MOB3B: variants seen among roughly 807,000 people sequenced by gnomAD.
MOB3B encodes the protein MOB kinase activator-like 2B.
MOB3B carries 7 observed loss-of-function variants against 18.7 expected under a neutral mutation model. That is an observed-to-expected ratio of 0.37 (90% CI 0.21 to 0.70). The LOEUF is 0.70. Among genes scored for constraint, MOB3B ranks in the 30% least tolerant of loss-of-function variants. The pLI is 0.52. For synonymous variants in MOB3B, 111 were observed against 99.9 expected (o/e 1.11, Z -0.66); for missense variants, 253 against 281.3 (o/e 0.90, Z 0.72).
chr9:27,387,746 C>T (rs1436868779), intron 2 of MOB3B, among the ~76,000 whole-genome samples: 1 of 152,152 alleles, frequency 6.6e-6, no homozygotes, highest in African/African-American at 2.4e-5. Context: ...TCCTTGACCA[C>T]TGACCTGGAT....
At chr9:27,348,423 C>A (rs938701417) in intron 3 of MOB3B, among the ~76,000 whole-genome samples, 1 of 152,064 alleles carries the variant, frequency 6.6e-6, no homozygotes, top group East Asian at 1.9e-4. Context: ...GAGGCTGAGG[C>A]AGGAGGATCA....
chr9:27,388,457 CT>C (rs201279285), intron 2 of MOB3B, among the ~76,000 whole-genome samples: 9 of 151,440 alleles, frequency 5.9e-5, no homozygotes, highest in Admixed American at 1.3e-4. Flanking sequence ...CTCAGAGTAT[CT>C]TTTTTTTTCT....
rs917964168 is a variant in MOB3B, at chr9:27,435,079, C to G, written c.418+20054G>C. ...TCTCTCTCTCTCTCTCTCTCTCTCT[C>G]TCTCTTTCTCTCCCCACCAGGGAGA... On this transcript the variant is annotated intron_variant, in intron 2 of 3. Transcript: ENST00000262244. Among the ~76,000 whole-genome samples, 387 of 147,800 alleles carry G rather than the reference C, an allele frequency of 2.6e-3. 2 individuals are homozygous for G. The highest frequency in any genetic ancestry group is 3.8e-3 in the Non-Finnish European group (254 of 67,610).
chr9:27,504,981 C>G (rs1033970200), intron 1 of MOB3B, among the ~76,000 whole-genome samples: 5 of 152,176 alleles, frequency 3.3e-5, no homozygotes, highest in African/African-American at 1.2e-4. Flanking sequence ...TCCTCAGACT[C>G]TCGCTTGCCT....
intron 1 of MOB3B, among the ~76,000 whole-genome samples, chr9:27,495,546 C>T (rs1819885934): frequency 6.6e-6 from 1 of 152,060 alleles, no homozygotes; most frequent in Non-Finnish European, 1.5e-5. Flanking sequence ...AGGAACCCAT[C>T]CTGATGGCCC....
At chr9:27,522,242 C>CAA (rs1171362204) in intron 1 of MOB3B, among the ~76,000 whole-genome samples, 1,696 of 56,066 alleles carry the variant, frequency 0.03, 155 homozygotes, top group East Asian at 0.12. Flanking sequence ...CCCCGTCTCA[C>CAA]AAAAAAAAAA....
At chr9:27,524,337 A>T in intron 1 of MOB3B, 2 of 1,604,094 alleles carry the variant, frequency 1.2e-6, no homozygotes, top group Middle Eastern at 1.7e-4. Context: ...TGCAAAAAAA[A>T]TGAGCACCAA....
chr9:27,439,492 T>C (rs1822563055), intron 2 of MOB3B, among the ~76,000 whole-genome samples: 1 of 152,200 alleles, frequency 6.6e-6, no homozygotes, highest in Non-Finnish European at 1.5e-5. Flanking sequence ...GGGAGGTTTT[T>C]ACCATTGGCA....
Position 27,328,145 on chromosome 9 carries a change from T to C in MOB3B, c.*2442A>G, listed in dbSNP as rs1332729194. 6.6e-6 allele frequency: 1 copy of C among 151,884 alleles called. No homozygotes were observed. 9.4% of individuals were successfully genotyped at this position (151,884 alleles called of 1,614,324 possible). Reference sequence around the variant, plus strand: ...AAGGACATAAGGGTACTCACTATAATCTTTCAACTTTGAAACTTTTACTTT... The same window carrying C: ...AAGGACATAAGGGTACTCACTATAACCTTTCAACTTTGAAACTTTTACTTT... On this transcript the variant is annotated 3_prime_UTR_variant, in exon 4 of 4. Transcript: ENST00000262244.
At chr9:27,428,037 C>G (rs1249768921) in intron 2 of MOB3B, among the ~76,000 whole-genome samples, 1 of 152,162 alleles carries the variant, frequency 6.6e-6, no homozygotes, top group African/African-American at 2.4e-5. Flanking sequence ...AGTTTAGTAC[C>G]TCCTGGGTCA....
At chr9:27,472,975 C>G (rs1587240753) in intron 1 of MOB3B, among the ~76,000 whole-genome samples, 1 of 152,202 alleles carries the variant, frequency 6.6e-6, no homozygotes, top group South Asian at 2.1e-4. Context: ...CATAACTGAT[C>G]AAGATACAAA....
intron 1 of MOB3B, among the ~76,000 whole-genome samples, chr9:27,513,720 G>A (rs1563887382): frequency 6.6e-6 from 1 of 152,168 alleles, no homozygotes; most frequent in Non-Finnish European, 1.5e-5. Context: ...ACCTCCCCGA[G>A]TTACCTTCTT....
intron 1 of MOB3B, among the ~76,000 whole-genome samples, chr9:27,461,160 G>A (rs1191200145): frequency 6.6e-6 from 1 of 152,150 alleles, no homozygotes; most frequent in Non-Finnish European, 1.5e-5. Context: ...TTTATAGCTG[G>A]AATAGTCCTT....
intron 1 of MOB3B, among the ~76,000 whole-genome samples, chr9:27,457,603 C>A (rs1819200436): frequency 6.6e-6 from 1 of 152,228 alleles, no homozygotes. Context: ...GTCCCAAGGC[C>A]TCTGGCTCTC....
chr9:27,362,909 G>A (rs1394667033), intron 2 of MOB3B, among the ~76,000 whole-genome samples: 1 of 152,208 alleles, frequency 6.6e-6, no homozygotes, highest in African/African-American at 2.4e-5. Flanking sequence ...ATAAACCTCA[G>A]AAGGTGGGAC....
intron 2 of MOB3B, among the ~76,000 whole-genome samples, chr9:27,431,757 GAGA>G (rs1180762845): frequency 6.6e-6 from 1 of 152,202 alleles, no homozygotes; most frequent in African/African-American, 2.4e-5. Context: ...GGCAGTCCCA[GAGA>G]AGAAGAGAAA....
chr9:27,409,972 T>A (rs1302833179), intron 2 of MOB3B, among the ~76,000 whole-genome samples: 1 of 152,166 alleles, frequency 6.6e-6, no homozygotes, highest in African/African-American at 2.4e-5. Context: ...GAGTTTCAGT[T>A]TGCAGTGATG....
intron 2 of MOB3B, among the ~76,000 whole-genome samples, chr9:27,452,876 G>C (rs527699591): frequency 1.3e-5 from 2 of 152,338 alleles, no homozygotes; most frequent in African/African-American, 2.4e-5. Flanking sequence ...TGGAGGTATA[G>C]AGAGGGCGTT....
In MOB3B at chr9:27,343,083, G is replaced by A. The variant is rs138647120; in HGVS notation, c.622-12467C>T. Among the ~76,000 whole-genome samples, 506 of 151,956 alleles carry A rather than the reference G, an allele frequency of 3.3e-3. 2 individuals carry two copies. The highest frequency in any genetic ancestry group is 3.5e-3 in the Non-Finnish European group (239 of 67,988). On this transcript the variant is annotated intron_variant, in intron 3 of 3. Coordinates refer to ENST00000262244, the MANE Select transcript of MOB3B (RefSeq NM_024761.5). ...AAAGAGATCAGATTGTTACTGTGTC[G>A]GTGTAGAAAGAAGTAGACATGGGAG...
Sources: gnomAD v4.1 joint callset for allele counts (sites outside exome capture counted in the v4.1 genomes callset) on GRCh38, gnomAD v4.1.1 for gene constraint, MANE v1.5 for transcripts, NCBI Gene and HGNC (gene_info 2026-07-23, HGNC 2026-07-21) for gene names.